Variants in FLT4 observed in about 807,000 individuals in gnomAD.
FLT4 encodes the protein fms related receptor tyrosine kinase 4, also known as vascular endothelial growth factor receptor 3.
A neutral mutation model predicts 163.2 loss-of-function variants in FLT4; 30 were observed. That is an observed-to-expected ratio of 0.18 (90% CI 0.14 to 0.25). The LOEUF is 0.25. Among genes scored for constraint, FLT4 ranks in the 10% least tolerant of loss-of-function variants. FLT4 has a pLI of 1.00. For missense variants in FLT4, 1,510 were observed against 1,863.8 expected (o/e 0.81, Z 3.50); for synonymous variants, 884 against 789.5 (o/e 1.12, Z -2.01).
rs1037720100 is a variant in FLT4 at position 180,620,144 on chromosome 5, T to G, written c.2542+29A>C. On this transcript the variant is annotated intron_variant, in intron 17 of 29. Transcript: ENST00000261937. This position sits in a 1 kb window ranked among gnomAD's most constrained non-coding sequence, Gnocchi z 4.4. ...CAGCAGGTGGGTCGGGCAGGAGGTG[T>G]GGGTTGGGCAGGCTGGTGCTGGCCT... The G allele has an allele frequency of 1.9e-6, 3 of 1,595,482 alleles. No individual in the cohort carries two copies. In the African/African-American group the frequency reaches 4.0e-5, roughly 21 times the overall value.
At position 180,628,980 on chromosome 5, in the gene FLT4, G is replaced by C. The variant is rs1763868512; in HGVS notation, c.1005C>G (p.Val335=). The change falls in exon 8 of 30, where the codon GTC becomes GTG. Residue 335 remains valine (V), a synonymous_variant. Transcript: ENST00000261937. ...VIVHENPFIS[V]EWLKGPILEA... ...CCAGGATGGGTCCTTTGAGCCACTC[G>C]ACGCTGATGAAGGGATTTTCTGCCG... 6.2e-7 allele frequency: 1 copy of C among 1,612,452 alleles called. No individual in the cohort carries two copies. Among genetic ancestry groups the C allele is most frequent in the Middle Eastern group, 1.6e-4 (1 of 6,062 alleles).
chr5:180,645,200 G>C (rs140099890), intron 1 of FLT4, among the ~76,000 whole-genome samples: 30 of 152,376 alleles, frequency 2.0e-4, no homozygotes, highest in African/African-American at 7.2e-4. Context: ...ATTTCTGGAA[G>C]ATGCTGGAAA....
Position 180,640,979 on chromosome 5 carries a change from G to A in FLT4, c.58+8509C>T, listed in dbSNP as rs549395755. ...AGGGCATGGCTGGGTCCAGGTCCTG[G>A]TGCAGAGGTGAAGGGGCCGGCATGA... On this transcript the variant is annotated intron_variant, in intron 1 of 29. Coordinates refer to ENST00000261937, the MANE Select transcript of FLT4 (RefSeq NM_182925.5). Among the ~76,000 whole-genome samples, 4 of 152,284 alleles carry A rather than the reference G, an allele frequency of 2.6e-5. No homozygotes were observed. The East Asian group carries it at 7.7e-4, about 29-fold the overall frequency.
rs1309320747 is a variant in FLT4 at position 180,630,542 on chromosome 5, C to T, written c.400+13G>A. The stretch of plus-strand genomic sequence containing the variant: ...GGGACCCTGCTCCAGCCTGGCCCGC[C>T]TCCAAGTCTCACCTCTCACGAACAC... On this transcript the variant is annotated intron_variant, in intron 3 of 29. Coordinates refer to ENST00000261937, the MANE Select transcript of FLT4 (RefSeq NM_182925.5). The surrounding 1 kb of genome is among the most constrained non-coding windows in gnomAD (Gnocchi z 6.3). The T allele has an allele frequency of 6.2e-7, 1 of 1,612,684 alleles. No homozygotes were observed. The highest frequency in any genetic ancestry group is 8.5e-7 in the Non-Finnish European group (1 of 1,179,918).
chr5:180,619,426 C>CTGGCCGATTAGCTAAGGCACAG, intron 18 of FLT4, 60 bp from the exon 19 acceptor site: 2 of 1,390,156 alleles, frequency 1.4e-6, no homozygotes, highest in Non-Finnish European at 2.0e-6. Context: ...TTCCCCGCCA[C>CTGGCCGATTAGCTAAGGCACAG]CCGGCGCTTT....
chr5:180,625,738 G>A lies in FLT4; in HGVS notation c.1421+131C>T, dbSNP rs112747370. ...GGCTATAGCTGAAGGTAGGGTTCAA[G>A]TTCAGAGCAGGGCCCTGAGAAGGGG... On this transcript the variant is annotated intron_variant, in intron 10 of 29. Coordinates refer to ENST00000261937, the MANE Select transcript of FLT4 (RefSeq NM_182925.5). The A allele has an allele frequency of 3.5e-4, 301 of 862,292 alleles. 1 individual carries two copies. The African/African-American group carries it at 4.5e-3, about 13-fold the overall frequency. The allele number at this position is 862,292 out of a possible 1,614,324, so 53.4% of individuals were successfully genotyped here. A position where few individuals can be genotyped will look rare whatever the true frequency, so the allele number is the denominator to read the frequency against.
chr5:180,614,514 G>A (rs1012156369), intron 23 of FLT4, among the ~76,000 whole-genome samples: 2 of 151,936 alleles, frequency 1.3e-5, no homozygotes, highest in Non-Finnish European at 2.9e-5. Flanking sequence ...CTGATGAAAC[G>A]CACCCCTGCA....
intron 28 of FLT4, chr5:180,609,331 G>A (rs547729472): frequency 2.6e-5 from 14 of 537,062 alleles, no homozygotes; most frequent in South Asian, 1.5e-4. Context: ...TGCTCAGTGT[G>A]TGAAGAGCAG....
At position 180,620,838 on chromosome 5, in the gene FLT4, A is replaced by G. The variant is rs374635802; in HGVS notation, c.2299+38T>C. 8.1e-5 allele frequency: 131 copies of G among 1,609,444 alleles called. 1 individual carries two copies. In the African/African-American group the frequency reaches 1.5e-3, roughly 18 times the overall value. Reference sequence around the variant, plus strand: ...GGCCACAAGAAAGCGTTAACTGGGGACGGGAAGGGAGTTGAGGGGTGCAGC... The same window carrying G: ...GGCCACAAGAAAGCGTTAACTGGGGGCGGGAAGGGAGTTGAGGGGTGCAGC... On this transcript the variant is annotated intron_variant, in intron 15 of 29. Coordinates refer to ENST00000261937, the MANE Select transcript of FLT4 (RefSeq NM_182925.5). This position sits in a 1 kb window ranked among gnomAD's most constrained non-coding sequence, Gnocchi z 4.4.
Position 180,629,938 on chromosome 5 carries a change from G to A in FLT4, c.676+5C>T, listed in dbSNP as rs1763958291. On this transcript the variant is annotated splice_donor_5th_base_variant and intron_variant, in intron 5 of 29. Coordinates refer to ENST00000261937, the MANE Select transcript of FLT4 (RefSeq NM_182925.5). Reference sequence around the variant, plus strand: ...GTTACTGGGAACGGGGCACAGCCCTGTTACCTGTGATGTGCACCAGGAAGG... The same window carrying A: ...GTTACTGGGAACGGGGCACAGCCCTATTACCTGTGATGTGCACCAGGAAGG... 1.9e-6 allele frequency: 3 copies of A among 1,612,668 alleles called. No homozygotes were observed. Among genetic ancestry groups the A allele is most frequent in the African/African-American group, 1.3e-5 (1 of 74,904 alleles).
At chr5:180,604,966 G>T (rs1036967509) in intron 29 of FLT4, among the ~76,000 whole-genome samples, 12 of 152,158 alleles carry the variant, frequency 7.9e-5, no homozygotes, top group East Asian at 1.9e-4. Context: ...GATTTATCGG[G>T]TTTTTTTCCC....
chr5:180,642,028 G>A (rs768695399), intron 1 of FLT4, among the ~76,000 whole-genome samples: 21 of 152,122 alleles, frequency 1.4e-4, no homozygotes, highest in Non-Finnish European at 2.8e-4. Context: ...CCAACATGGT[G>A]AAACCCCATC....
chr5:180,647,934 T>C (rs1171852875), intron 1 of FLT4, among the ~76,000 whole-genome samples: 2 of 152,140 alleles, frequency 1.3e-5, no homozygotes, highest in African/African-American at 4.8e-5. Context: ...TGGTTCTCCT[T>C]ATACCTGCAG....
At chr5:180,622,029 G>T in intron 12 of FLT4, 125 bp from the exon 13 acceptor site, 2 of 1,161,752 alleles carry the variant, frequency 1.7e-6, no homozygotes, top group Non-Finnish European at 2.5e-6. Context: ...CAGCTGGACT[G>T]CTTGCCCCCC....
In FLT4 at chr5:180,631,559, C is replaced by T. The variant is rs998142430; in HGVS notation, c.155+123G>A. 9.9e-5 allele frequency: 78 copies of T among 785,498 alleles called. No individual in the cohort carries two copies. In the African/African-American group the frequency reaches 1.1e-3, roughly 11 times the overall value. The allele number at this position is 785,498 out of a possible 1,614,324, so 48.7% of individuals were successfully genotyped here. A position where few individuals can be genotyped will look rare whatever the true frequency, so the allele number is the denominator to read the frequency against. Reference sequence around the variant, plus strand: ...CCCACAGCCTGGGAGACCACACGGCCCCGAGGCCACTCTGCCCTGACTCTG... The same window carrying T: ...CCCACAGCCTGGGAGACCACACGGCTCCGAGGCCACTCTGCCCTGACTCTG... On this transcript the variant is annotated intron_variant, in intron 2 of 29. Transcript: ENST00000261937.
intron 1 of FLT4, among the ~76,000 whole-genome samples, chr5:180,639,978 G>A (rs1764979212): frequency 6.6e-6 from 1 of 152,206 alleles, no homozygotes; most frequent in Admixed American, 6.5e-5. Flanking sequence ...GGCACCGGGT[G>A]GAGGTCAGAA....
At chr5:180,643,851 T>C (rs1443063294) in intron 1 of FLT4, among the ~76,000 whole-genome samples, 1 of 151,656 alleles carries the variant, frequency 6.6e-6, no homozygotes, top group African/African-American at 2.4e-5. Flanking sequence ...AAGTGGAGTC[T>C]CGCCCTGTTG....
rs758603930 is a variant in FLT4 at position 180,626,140 on chromosome 5, C to A, written c.1229G>T (p.Arg410Leu). The A allele has an allele frequency of 2.5e-6, 4 of 1,612,838 alleles. No individual in the cohort carries two copies. The highest frequency in any genetic ancestry group is 1.7e-4 in the Middle Eastern group (1 of 6,060). ...ALWNSAAGLR[R>L]NISLELVVNV... ...CACCACCAGCTCCAGGCTGATGTTG[C>A]GCCTCAGGCCAGCAGCGGAGTTCCA... The change falls in exon 9 of 30, where the codon CGC becomes CTC. Residue 410 changes from arginine to leucine, a missense_variant. This residue lies in a region of FLT4 where 878 missense variants were observed against 1,016.7 expected (regional missense o/e 0.86). Coordinates refer to ENST00000261937, the MANE Select transcript of FLT4 (RefSeq NM_182925.5).
chr5:180,631,333 C>T (rs370764482), intron 2 of FLT4, among the ~76,000 whole-genome samples: 19 of 152,120 alleles, frequency 1.2e-4, no homozygotes, highest in South Asian at 4.2e-4. Flanking sequence ...ATTAGCCGGG[C>T]GTGGTGGCGG....
Sources: allele counts gnomAD v4.1 joint callset (sites outside exome capture counted in the v4.1 genomes callset), GRCh38; gene constraint gnomAD v4.1.1; regional missense constraint gnomAD v4.1.1; non-coding constraint Gnocchi (gnomAD v3.1); transcripts MANE v1.5; gene names NCBI Gene and HGNC (gene_info 2026-07-23, HGNC 2026-07-21).